Variants in RALGAPB observed in about 807,000 individuals in gnomAD.
The protein encoded by RALGAPB is ral GTPase-activating protein subunit beta.
Under a neutral mutation model 161.1 loss-of-function variants are expected in RALGAPB, and 25 were observed. The observed-to-expected ratio is 0.16, with a 90% CI of 0.11 to 0.22. RALGAPB has a LOEUF of 0.22. Among genes scored for constraint, RALGAPB ranks in the 10% least tolerant of loss-of-function variants. RALGAPB has a pLI of 1.00. For missense variants in RALGAPB, 1,391 were observed against 1,815.2 expected (o/e 0.77, Z 4.25); for synonymous variants, 629 against 626.1 (o/e 1.00, Z -0.07).
intron 6 of RALGAPB, among the ~76,000 whole-genome samples, chr20:38,513,457 C>T (rs1248568710): frequency 3.0e-5 from 4 of 132,194 alleles, no homozygotes; most frequent in African/African-American, 5.7e-5. Flanking sequence ...CCAGCCCGGG[C>T]GACAGAGCGG....
intron 6 of RALGAPB, among the ~76,000 whole-genome samples, chr20:38,512,173 C>T (rs1255921127): frequency 1.3e-5 from 2 of 152,190 alleles, no homozygotes; most frequent in Non-Finnish European, 2.9e-5. Flanking sequence ...ATGGTTATTA[C>T]TGCTGTAAAG....
intron 23 of RALGAPB, among the ~76,000 whole-genome samples, chr20:38,560,056 G>A (rs146485867): frequency 7.2e-5 from 11 of 151,990 alleles, no homozygotes; most frequent in South Asian, 2.1e-4. Context: ...TAGAAGCACT[G>A]TTTCAAATGA....
intron 26 of RALGAPB, 145 bp from the exon 27 acceptor site, chr20:38,569,743 T>C (rs934785438): frequency 1.6e-6 from 1 of 620,142 alleles, no homozygotes; most frequent in Admixed American, 2.7e-5. Context: ...GTTGCAAATG[T>C]ATACACTTTT....
chr20:38,526,412 T>C (rs1026690337), intron 13 of RALGAPB, among the ~76,000 whole-genome samples: 7 of 152,062 alleles, frequency 4.6e-5, no homozygotes, highest in African/African-American at 1.4e-4. Flanking sequence ...CCTCTTCCTC[T>C]TCTTCTTGCC....
intron 6 of RALGAPB, among the ~76,000 whole-genome samples, chr20:38,515,413 T>C (rs1466650371): frequency 1.3e-5 from 2 of 152,224 alleles, no homozygotes; most frequent in Non-Finnish European, 2.9e-5. Context: ...AGATTATCAG[T>C]ATTACTTTGA....
chr20:38,523,641 G>A (rs1422969479), intron 10 of RALGAPB, among the ~76,000 whole-genome samples: 2 of 152,190 alleles, frequency 1.3e-5, no homozygotes, highest in Admixed American at 1.3e-4. Context: ...TATCCAGTAA[G>A]CTTTTGGGTA....
intron 13 of RALGAPB, among the ~76,000 whole-genome samples, chr20:38,526,603 GA>G (rs1271943840): frequency 6.6e-6 from 1 of 152,134 alleles, no homozygotes; most frequent in Non-Finnish European, 1.5e-5. Flanking sequence ...TCTTAAGAGA[GA>G]GCTTCCCTAA....
intron 9 of RALGAPB, 81 bp downstream of exon 9, chr20:38,518,081 A>G (rs564449018): frequency 2.3e-6 from 3 of 1,278,720 alleles, no homozygotes; most frequent in Admixed American, 1.9e-5. Flanking sequence ...TACCTGCAAG[A>G]TTAATATGTA....
At chr20:38,535,428 G>A (rs1448490428) in intron 16 of RALGAPB, among the ~76,000 whole-genome samples, 3 of 152,102 alleles carry the variant, frequency 2.0e-5, no homozygotes, top group South Asian at 2.1e-4. Flanking sequence ...GATTTTTACC[G>A]TTAAATTATA....
At chr20:38,475,137 T>C (rs1484178519) in intron 1 of RALGAPB, among the ~76,000 whole-genome samples, 2 of 151,710 alleles carry the variant, frequency 1.3e-5, no homozygotes, top group Admixed American at 1.3e-4. Flanking sequence ...GGGAAAGTCT[T>C]TTTATTACTG....
rs546055714 is a variant in RALGAPB at position 38,497,486 on chromosome 20, G to A, written c.523G>A (p.Asp175Asn). The A allele has an allele frequency of 1.2e-5, 19 of 1,613,850 alleles. No homozygotes were observed. Among genetic ancestry groups the A allele is most frequent in the East Asian group, 8.9e-5 (4 of 44,878 alleles). ...ACTGTTGTTTCTTCTGCAGATTAAC[G>A]ACATACTTCTGGCCCCACCAACTGT... Reference protein sequence around the residue: ...VLLLFLLQINDILLAPPTVQG... With the variant: ...VLLLFLLQINNILLAPPTVQG... The change falls in exon 4 of 30, where the codon GAC becomes AAC. Residue 175 changes from aspartate to asparagine, a missense_variant. Asp to Asn is a conservative substitution (Grantham distance 23). Transcript: ENST00000262879.
chr20:38,538,964 A>C (rs1275697849), intron 16 of RALGAPB, among the ~76,000 whole-genome samples: 1 of 152,230 alleles, frequency 6.6e-6, no homozygotes, highest in Non-Finnish European at 1.5e-5. Context: ...CTGTATTTAT[A>C]ATATCCAGAA....
chr20:38,572,687 TC>T (rs1316914550), intron 28 of RALGAPB, among the ~76,000 whole-genome samples: 2 of 152,240 alleles, frequency 1.3e-5, no homozygotes, highest in African/African-American at 2.4e-5. Context: ...TCTTAAAACT[TC>T]CAGGTTTTAT....
chr20:38,535,651 C>T (rs559905404), intron 16 of RALGAPB, among the ~76,000 whole-genome samples: 2 of 147,034 alleles, frequency 1.4e-5, no homozygotes, highest in Admixed American at 6.9e-5. Context: ...GTAGCGTAGT[C>T]GTGCAAACTT....
At chr20:38,552,837 A>G (rs1353518375) in intron 21 of RALGAPB, among the ~76,000 whole-genome samples, 2 of 152,172 alleles carry the variant, frequency 1.3e-5, no homozygotes, top group African/African-American at 2.4e-5. Context: ...ACTTTCTTCA[A>G]AAGTCCTTGG....
rs1275426174 is a variant in RALGAPB, at chr20:38,546,391, A to G, written c.2863A>G (p.Ile955Val). Residue 955 changes from isoleucine (I) to valine (V), a missense_variant, in exon 19 of 30, where the codon ATC becomes GTC. By Grantham distance (29) the Ile-to-Val change is conservative. Coordinates refer to ENST00000262879, the MANE Select transcript of RALGAPB (RefSeq NM_020336.4). Reference sequence around the variant, plus strand: ...GTACTTTGTCTTGGATAACAGTGTCATCCTGGCAATGCTGGAACAACCTCT... The same window carrying G: ...GTACTTTGTCTTGGATAACAGTGTCGTCCTGGCAATGCTGGAACAACCTCT... ...FRYFVLDNSV[I>V]LAMLEQPLGN... is the part of the protein sequence containing the mutation. The G allele has an allele frequency of 6.2e-7, 1 of 1,613,996 alleles. No homozygotes were observed. The highest frequency in any genetic ancestry group is 8.5e-7 in the Non-Finnish European group (1 of 1,179,982).
chr20:38,510,792 C>T (rs2085919953), intron 6 of RALGAPB, among the ~76,000 whole-genome samples: 1 of 140,458 alleles, frequency 7.1e-6, no homozygotes, highest in Non-Finnish European at 1.5e-5. Flanking sequence ...CGCCTGTAGT[C>T]CCAGCTACTT....
intron 13 of RALGAPB, among the ~76,000 whole-genome samples, chr20:38,529,736 G>A (rs1338908279): frequency 2.6e-5 from 4 of 151,792 alleles, no homozygotes; most frequent in South Asian, 2.1e-4. Flanking sequence ...CCAGCTACTC[G>A]GAGGCCGAGG....
rs1209723399 is a variant in RALGAPB, at chr20:38,567,156, C to T, written c.3878C>T (p.Pro1293Leu). 8.1e-6 allele frequency: 13 copies of T among 1,613,652 alleles called. No individual in the cohort carries two copies. Among genetic ancestry groups the T allele is most frequent in the Non-Finnish European group, 9.3e-6 (11 of 1,179,740 alleles). ...AGTGATTCAAATATGGATCTTATGC[C>T]AGGAATTCTGAAACAGCCATCCCTG... ...QDSDSNMDLM[P>L]GILKQPSLTL... Residue 1293 changes from proline (P) to leucine (L), a missense_variant, in exon 26 of 30, where the codon CCA (proline) becomes CTA (leucine). Pro to Leu is a moderately conservative substitution (Grantham distance 98, BLOSUM62 -3). Coordinates refer to ENST00000262879, the MANE Select transcript of RALGAPB (RefSeq NM_020336.4).
Sources: gnomAD v4.1 joint callset for allele counts (sites outside exome capture counted in the v4.1 genomes callset) on GRCh38, gnomAD v4.1.1 for gene constraint, MANE v1.5 for transcripts, NCBI Gene and HGNC (gene_info 2026-07-23, HGNC 2026-07-21) for gene names.